The following LHFPL6 variants were observed in gnomAD, a reference collection of about 807,000 sequenced individuals.
The protein encoded by LHFPL6 is LHFPL tetraspan subfamily member 6 protein.
In LHFPL6, 9 loss-of-function variants were observed where a neutral mutation model predicts 20.6. The ratio of observed to expected loss-of-function variants is 0.44; its 90% CI spans 0.26 to 0.76. The LOEUF is 0.76. LHFPL6 is among the 30% of genes least tolerant of loss of function. LHFPL6 has a pLI of 0.20. For synonymous variants in LHFPL6, 105 were observed against 98.7 expected, an observed-to-expected ratio of 1.06 and a Z score of -0.38; for missense variants, 218 against 253.5, an observed-to-expected ratio of 0.86 and a Z score of 0.95.
chr13:39,461,172 C>T (rs1872679515), intron 2 of LHFPL6, among the ~76,000 whole-genome samples: 1 of 152,080 alleles, frequency 6.6e-6, no homozygotes, highest in Non-Finnish European at 1.5e-5. Context: ...ATGATCTTGT[C>T]GTTTTTATGG....
chr13:39,447,361 T>C (rs1426336091), intron 2 of LHFPL6, among the ~76,000 whole-genome samples: 1 of 151,928 alleles, frequency 6.6e-6, no homozygotes, highest in African/African-American at 2.4e-5. Flanking sequence ...CTTCACGATA[T>C]TTTTTTTAAA....
intron 2 of LHFPL6, among the ~76,000 whole-genome samples, chr13:39,566,797 A>T (rs1871734232): frequency 6.6e-6 from 1 of 150,680 alleles, no homozygotes. Flanking sequence ...ATTGAAAGTG[A>T]CCTCTACTTG....
chr13:39,417,878 C>T (rs899801738), intron 2 of LHFPL6, among the ~76,000 whole-genome samples: 2 of 151,948 alleles, frequency 1.3e-5, no homozygotes, highest in African/African-American at 4.8e-5. Flanking sequence ...GTTTAGAAAG[C>T]GAAAGAAAGG....
chr13:39,464,232 G>A (rs1872749098), intron 2 of LHFPL6, among the ~76,000 whole-genome samples: 1 of 152,176 alleles, frequency 6.6e-6, no homozygotes, highest in Non-Finnish European at 1.5e-5. Flanking sequence ...ATGAGGATGG[G>A]TGGATTATAT....
At chr13:39,501,973 G>A (rs1179779036) in intron 2 of LHFPL6, among the ~76,000 whole-genome samples, 2 of 152,202 alleles carry the variant, frequency 1.3e-5, no homozygotes, top group East Asian at 3.9e-4. Context: ...GTGAGCCAAG[G>A]GCCCAGGAGG....
At chr13:39,437,762 C>T (rs372248150) in intron 2 of LHFPL6, among the ~76,000 whole-genome samples, 33 of 152,086 alleles carry the variant, frequency 2.2e-4, no homozygotes, top group East Asian at 1.4e-3. Flanking sequence ...ATTAGCTGGG[C>T]GTGGTGGCGG....
At chr13:39,496,299 G>A (rs1450975169) in intron 2 of LHFPL6, among the ~76,000 whole-genome samples, 1 of 152,050 alleles carries the variant, frequency 6.6e-6, no homozygotes, top group Non-Finnish European at 1.5e-5. Context: ...GCTCTTGGAG[G>A]CCTCTTTTAT....
intron 2 of LHFPL6, among the ~76,000 whole-genome samples, chr13:39,597,338 A>G (rs1340250138): frequency 1.3e-5 from 2 of 152,226 alleles, no homozygotes; most frequent in African/African-American, 4.8e-5. Flanking sequence ...TGTCTTTACA[A>G]CATTCTTACG....
chr13:39,584,659 AG>A (rs907445884), intron 2 of LHFPL6, among the ~76,000 whole-genome samples: 1 of 151,902 alleles, frequency 6.6e-6, no homozygotes, highest in Non-Finnish European at 1.5e-5. Flanking sequence ...ATTCTTACGT[AG>A]ACCTGACTAT....
intron 2 of LHFPL6, among the ~76,000 whole-genome samples, chr13:39,525,749 C>A (rs931879297): frequency 3.9e-5 from 6 of 152,210 alleles, no homozygotes; most frequent in African/African-American, 1.4e-4. Context: ...TAAGCTCATC[C>A]ACTAGGAAAT....
At chr13:39,510,869 TA>T (rs200772133) in intron 2 of LHFPL6, among the ~76,000 whole-genome samples, 17 of 85,700 alleles carry the variant, frequency 2.0e-4, no homozygotes, top group East Asian at 4.5e-4. Flanking sequence ...ATCATTACTT[TA>T]AATTTTTTTT....
chr13:39,571,199 C>T (rs1484896540), intron 2 of LHFPL6, among the ~76,000 whole-genome samples: 1 of 152,134 alleles, frequency 6.6e-6, no homozygotes, highest in Admixed American at 6.5e-5. Context: ...CTGGTGAAAC[C>T]CCACCTCCAA....
chr13:39,528,295 A>G (rs1052580530), intron 2 of LHFPL6, among the ~76,000 whole-genome samples: 3 of 152,072 alleles, frequency 2.0e-5, no homozygotes, highest in Non-Finnish European at 4.4e-5. Context: ...TCCACTCCTC[A>G]ACTCTATCCT....
intron 2 of LHFPL6, 81 bp from the exon 3 acceptor site, chr13:39,378,607 A>G (rs1566097702): frequency 1.9e-6 from 2 of 1,045,254 alleles, no homozygotes; most frequent in Non-Finnish European, 3.0e-6. Flanking sequence ...ATATTTAGCA[A>G]TATAACAAGA....
At chr13:39,508,343 C>T (rs1869564271) in intron 2 of LHFPL6, among the ~76,000 whole-genome samples, 1 of 152,148 alleles carries the variant, frequency 6.6e-6, no homozygotes, top group Non-Finnish European at 1.5e-5. Flanking sequence ...CATATAATTA[C>T]ATTAACATAC....
intron 2 of LHFPL6, among the ~76,000 whole-genome samples, chr13:39,417,293 C>T (rs1871373351): frequency 6.6e-6 from 1 of 152,240 alleles, no homozygotes; most frequent in Non-Finnish European, 1.5e-5. Flanking sequence ...AAGCCCTCAA[C>T]TGCTCTGACT....
chr13:39,540,957 A>C (rs1232672873), intron 2 of LHFPL6, among the ~76,000 whole-genome samples: 2 of 152,242 alleles, frequency 1.3e-5, no homozygotes, highest in African/African-American at 2.4e-5. Context: ...GAGAAGTTTA[A>C]AATGAAACAA....
rs113243417 is a variant in LHFPL6 at position 39,413,202 on chromosome 13, A to T, written c.386-34676T>A. On this transcript the variant is annotated intron_variant, in intron 2 of 3. Coordinates refer to ENST00000379589, the MANE Select transcript of LHFPL6 (RefSeq NM_005780.3). Reference sequence around the variant, plus strand: ...ATATCTAATCAAAGAAATCTGGAATATTTAACGAAGGAAAAATAGCATTTG... The same window carrying T: ...ATATCTAATCAAAGAAATCTGGAATTTTTAACGAAGGAAAAATAGCATTTG... Among the ~76,000 whole-genome samples the T allele has an allele frequency of 2.8e-3, 432 of 152,310 alleles. 3 individuals are homozygous for T. Among genetic ancestry groups the T allele is most frequent in the African/African-American group, 9.7e-3 (403 of 41,568 alleles).
intron 2 of LHFPL6, among the ~76,000 whole-genome samples, chr13:39,549,543 A>G (rs1198467850): frequency 6.6e-6 from 1 of 152,114 alleles, no homozygotes; most frequent in Non-Finnish European, 1.5e-5. Flanking sequence ...ATGTCAAGCA[A>G]CTACAATTGT....
Sources: gnomAD v4.1 joint callset for allele counts (sites outside exome capture counted in the v4.1 genomes callset) on GRCh38, gnomAD v4.1.1 for gene constraint, MANE v1.5 for transcripts, NCBI Gene and HGNC (gene_info 2026-07-23, HGNC 2026-07-21) for gene names.